The following FERMT2 variants were observed in gnomAD, a reference collection of about 807,000 sequenced individuals.
FERMT2 encodes fermitin family homolog 2.
In FERMT2, 15 loss-of-function variants were observed where a neutral mutation model predicts 82.7. The ratio of observed to expected loss-of-function variants is 0.18; its 90% confidence interval spans 0.12 to 0.28. FERMT2 has a LOEUF of 0.28. Among genes scored for constraint, FERMT2 ranks in the 10% least tolerant of loss-of-function variants. The pLI, the probability that FERMT2 is intolerant of heterozygous loss-of-function variation, is 1.00. For synonymous variants in FERMT2, 274 were observed against 271.5 expected, an observed-to-expected ratio of 1.01 and a Z score of -0.09; for missense variants, 645 against 809.4, an observed-to-expected ratio of 0.80 and a Z score of 2.46.
In FERMT2 at chr14:52,896,720, T is replaced by C. The variant is rs150519576; in HGVS notation, c.392-3293A>G. ...GGCTAACAACAGAGACCTGGCACAG[T>C]GGTTCACGCCTGTAATCCCAGGACT... On this transcript the variant is annotated intron_variant, in intron 3 of 14. Transcript: ENST00000341590. Among the ~76,000 whole-genome samples the C allele has an allele frequency of 5.0e-3, 767 of 152,300 alleles. 6 individuals are homozygous for C. The highest frequency in any genetic ancestry group is 0.05 in the East Asian group (260 of 5,174).
At chr14:52,942,573 A>G (rs151241964) in intron 2 of FERMT2, among the ~76,000 whole-genome samples, 29 of 152,078 alleles carry the variant, frequency 1.9e-4, no homozygotes, top group African/African-American at 6.0e-4. Context: ...AAGTGCTAGG[A>G]TTACAGGCGT....
intron 3 of FERMT2, among the ~76,000 whole-genome samples, chr14:52,910,258 G>A (rs1323868753): frequency 1.3e-5 from 2 of 152,044 alleles, no homozygotes; most frequent in African/African-American, 2.4e-5. Context: ...CTATCAAATA[G>A]ATTCTTCTTC....
intron 14 of FERMT2, 71 bp downstream of exon 14, chr14:52,859,502 C>A (rs577650375): frequency 5.7e-5 from 75 of 1,304,924 alleles, no homozygotes; most frequent in Admixed American, 5.3e-5. Flanking sequence ...AATTTATAGG[C>A]CTTTTTATTC....
chr14:52,884,861 G>A (rs1029352594), intron 4 of FERMT2, among the ~76,000 whole-genome samples: 8 of 150,872 alleles, frequency 5.3e-5, no homozygotes, highest in African/African-American at 2.0e-4. Flanking sequence ...AATAAGCTGG[G>A]TGTGGTGGTG....
At chr14:52,872,564 A>G (rs887749132) in intron 10 of FERMT2, among the ~76,000 whole-genome samples, 3 of 152,208 alleles carry the variant, frequency 2.0e-5, no homozygotes, top group Non-Finnish European at 4.4e-5. Context: ...TGAATCATAC[A>G]TTTCAGGTCA....
chr14:52,893,238 A>T, intron 4 of FERMT2, 55 bp downstream of exon 4: 1 of 1,476,874 alleles, frequency 6.8e-7, no homozygotes, highest in Non-Finnish European at 9.0e-7. Context: ...CAGAAAGACA[A>T]AGGTACACAG....
chr14:52,882,985 G>C (rs976208100), intron 4 of FERMT2, among the ~76,000 whole-genome samples: 1 of 151,992 alleles, frequency 6.6e-6, no homozygotes, highest in African/African-American at 2.4e-5. Context: ...ATCACTTGAG[G>C]TCAGGAATTC....
intron 2 of FERMT2, among the ~76,000 whole-genome samples, chr14:52,947,765 G>A (rs559465648): frequency 6.7e-4 from 102 of 152,190 alleles, no homozygotes; most frequent in African/African-American, 2.4e-3. Context: ...GACTTCTTTT[G>A]TTACAGACCT....
intron 4 of FERMT2, among the ~76,000 whole-genome samples, chr14:52,887,138 C>CTTT (rs879787163): frequency 2.8e-5 from 4 of 141,912 alleles, no homozygotes; most frequent in Non-Finnish European, 6.2e-5. Flanking sequence ...GATCCCAGCA[C>CTTT]TTTTTTTTTT....
At chr14:52,933,536 C>A (rs937815356) in intron 2 of FERMT2, among the ~76,000 whole-genome samples, 1 of 151,534 alleles carries the variant, frequency 6.6e-6, no homozygotes, top group Non-Finnish European at 1.5e-5. Flanking sequence ...CATGGAGAAA[C>A]CTCGTCTCTA....
chr14:52,860,802 A>G lies in FERMT2; in HGVS notation c.1603-337T>C, dbSNP rs983392824. On this transcript the variant is annotated intron_variant, in intron 12 of 14. Coordinates refer to ENST00000341590, the MANE Select transcript of FERMT2 (RefSeq NM_006832.3). ...ATCCACATATACACGAGTTTTAATT[A>G]AATTTAGCACTATGTCTATAATCAG... is the stretch of plus-strand genomic sequence containing the variant. 48 of 595,512 alleles carry G rather than the reference A, an allele frequency of 8.1e-5. No homozygotes were observed. The African/African-American group carries it at 8.3e-4, about 10-fold the overall frequency. The allele number at this position is 595,512 out of a possible 1,614,324, so 36.9% of individuals were successfully genotyped here.
intron 3 of FERMT2, among the ~76,000 whole-genome samples, chr14:52,895,886 G>T (rs1481035613): frequency 6.6e-6 from 1 of 152,214 alleles, no homozygotes; most frequent in Non-Finnish European, 1.5e-5. Flanking sequence ...TAGGTCTACA[G>T]TCATGCGTCA....
chr14:52,929,665 CT>C (rs1251769988), intron 2 of FERMT2, among the ~76,000 whole-genome samples: 1 of 152,182 alleles, frequency 6.6e-6, no homozygotes, highest in Non-Finnish European at 1.5e-5. Context: ...CTAACTCTCT[CT>C]CATCTTTCAG....
intron 2 of FERMT2, among the ~76,000 whole-genome samples, chr14:52,921,376 C>A (rs1003490817): frequency 6.6e-6 from 1 of 152,166 alleles, no homozygotes; most frequent in African/African-American, 2.4e-5. Context: ...CAAAGTCCTG[C>A]CAATCATGTT....
rs73300775 is a variant in FERMT2, at chr14:52,860,525, G to C, written c.1603-60C>G. 3,711 of 1,480,028 alleles carry C rather than the reference G, an allele frequency of 2.5e-3. 86 individuals carry two copies. The African/African-American group carries it at 0.045, about 18-fold the overall frequency. The allele number at this position is 1,480,028 out of a possible 1,614,324, so 91.7% of individuals were successfully genotyped here. On this transcript the variant is annotated intron_variant, in intron 12 of 14. Coordinates refer to ENST00000341590, the MANE Select transcript of FERMT2 (RefSeq NM_006832.3). ...CATTATTCTCTCATGGGAGAACTGA[G>C]ACAAAAGATCAAAAGATTGAATTAC...
intron 2 of FERMT2, among the ~76,000 whole-genome samples, chr14:52,926,543 C>T (rs1190133431): frequency 1.9e-4 from 29 of 152,196 alleles, no homozygotes; most frequent in Non-Finnish European, 7.4e-5. Flanking sequence ...GCATAGACTA[C>T]GCTCAAAAAC....
At chr14:52,898,232 A>C (rs1480747649) in intron 3 of FERMT2, among the ~76,000 whole-genome samples, 1 of 152,144 alleles carries the variant, frequency 6.6e-6, no homozygotes, top group Non-Finnish European at 1.5e-5. Flanking sequence ...ATGTTAAGTA[A>C]ATACCTGCTC....
At chr14:52,912,730 G>A (rs1888393929) in intron 3 of FERMT2, among the ~76,000 whole-genome samples, 1 of 151,886 alleles carries the variant, frequency 6.6e-6, no homozygotes, top group South Asian at 2.1e-4. Context: ...AGCTGGTCTT[G>A]AACTCCTGGC....
chr14:52,918,795 A>T (rs1186695267), intron 3 of FERMT2, among the ~76,000 whole-genome samples: 3 of 152,224 alleles, frequency 2.0e-5, no homozygotes, highest in Non-Finnish European at 4.4e-5. Context: ...CACTAAAATC[A>T]AATAGTGACT....
Sources: gnomAD v4.1 joint callset for allele counts (sites outside exome capture counted in the v4.1 genomes callset) on GRCh38, gnomAD v4.1.1 for gene constraint, MANE v1.5 for transcripts, NCBI Gene and HGNC (gene_info 2026-07-23, HGNC 2026-07-21) for gene names.